LTAP1: variants seen among roughly 807,000 people sequenced by gnomAD.
LTAP1 encodes HCV NS5A-transactivated protein 4.
the LTAP1 span, among the ~76,000 whole-genome samples, chr1:154,209,431 T>G: frequency 1.3e-5 from 2 of 150,454 alleles, no homozygotes; most frequent in South Asian, 2.1e-4. Context: ...CAGTTTTTTT[T>G]TTTTTTTTTT....
At chr1:154,219,987 G>GTTT in the LTAP1 span, 377 of 1,206,056 alleles carry the variant, frequency 3.1e-4, 1 homozygote, top group African/African-American at 1.1e-3. Context: ...GTTTTGTTTT[G>GTTT]TTTTTTTTTT....
the LTAP1 span, chr1:154,214,460 G>T: frequency 1.9e-6 from 3 of 1,606,178 alleles, no homozygotes; most frequent in South Asian, 3.3e-5. Flanking sequence ...CACATACTTT[G>T]ATTTCCCTGG....
chr1:154,215,125 G>A, the LTAP1 span, among the ~76,000 whole-genome samples: 4 of 152,192 alleles, frequency 2.6e-5, no homozygotes, highest in African/African-American at 4.8e-5. Flanking sequence ...GATTACAGGT[G>A]TGAGCTACTG....
the LTAP1 span, among the ~76,000 whole-genome samples, chr1:154,219,540 G>A: frequency 6.6e-6 from 1 of 152,164 alleles, no homozygotes; most frequent in Admixed American, 6.5e-5. Context: ...AAAACACTGG[G>A]TAGTTTAAGA....
chr1:154,207,410 G>T, the LTAP1 span: 8 of 1,599,204 alleles, frequency 5.0e-6, no homozygotes, highest in Non-Finnish European at 6.9e-6. Flanking sequence ...CTTGCACATT[G>T]CAACTGACTG....
At chr1:154,208,857 CTG>C in the LTAP1 span, among the ~76,000 whole-genome samples, 1 of 152,008 alleles carries the variant, frequency 6.6e-6, no homozygotes, top group African/African-American at 2.4e-5. Context: ...TTGAAGCGAC[CTG>C]TCTCGGCCTC....
At chr1:154,218,537 G>A in the LTAP1 span, among the ~76,000 whole-genome samples, 4 of 152,214 alleles carry the variant, frequency 2.6e-5, no homozygotes, top group Non-Finnish European at 5.9e-5. Flanking sequence ...AGAACAAAGA[G>A]GGGAAGGTTA....
At chr1:154,208,613 G>T in the LTAP1 span, 5 of 152,120 alleles carry the variant, frequency 3.3e-5, no homozygotes, top group African/African-American at 1.2e-4. Flanking sequence ...AGGAAACTAA[G>T]GGTCCAATAA....
the LTAP1 span, chr1:154,212,490 C>T: frequency 1.9e-6 from 3 of 1,614,138 alleles, no homozygotes; most frequent in East Asian, 6.7e-5. Context: ...TCATAGCCAT[C>T]CAAAAGGGTA....
At chr1:154,207,807 A>C in the LTAP1 span, among the ~76,000 whole-genome samples, 1 of 152,208 alleles carries the variant, frequency 6.6e-6, no homozygotes, top group African/African-American at 2.4e-5. Flanking sequence ...CTAGTAGCTT[A>C]GAAATACAAG....
At chr1:154,212,306 C>A in the LTAP1 span, 1 of 1,614,040 alleles carries the variant, frequency 6.2e-7, no homozygotes, top group Non-Finnish European at 8.5e-7. Flanking sequence ...TGACACGTTC[C>A]CCTCCAAACT....
the LTAP1 span, chr1:154,212,245 G>A: frequency 2.7e-6 from 4 of 1,468,402 alleles, 1 homozygote; most frequent in South Asian, 2.3e-5. Context: ...TATGCTTTAT[G>A]AAGGTCACTG....
chr1:154,219,044 G>C, the LTAP1 span, among the ~76,000 whole-genome samples: 3 of 152,214 alleles, frequency 2.0e-5, no homozygotes, highest in Non-Finnish European at 4.4e-5. Context: ...GGGTCCCAGT[G>C]ATCTGGGGAG....
chr1:154,206,871 G>GA, the LTAP1 span: 1 of 154,966 alleles, frequency 6.5e-6, no homozygotes, highest in East Asian at 1.9e-4. Context: ...ATTTATTAAT[G>GA]AGAGTGTGGA....
the LTAP1 span, among the ~76,000 whole-genome samples, chr1:154,218,581 G>C: frequency 6.6e-6 from 1 of 152,202 alleles, no homozygotes; most frequent in Non-Finnish European, 1.5e-5. Context: ...AGTGCTCTAG[G>C]AGTTGAGGGA....
the LTAP1 span, among the ~76,000 whole-genome samples, chr1:154,210,425 AAG>A: frequency 2.0e-5 from 3 of 152,198 alleles, no homozygotes; most frequent in African/African-American, 7.2e-5. Context: ...GCTCTTGAAA[AAG>A]AGCAATATTC....
At chr1:154,209,321 T>C in the LTAP1 span, among the ~76,000 whole-genome samples, 7 of 151,982 alleles carry the variant, frequency 4.6e-5, no homozygotes, top group Admixed American at 2.0e-4. Context: ...CTAGTATTTA[T>C]CTTTCAAAGA....
At chr1:154,211,583 C>A in the LTAP1 span, among the ~76,000 whole-genome samples, 1 of 151,474 alleles carries the variant, frequency 6.6e-6, no homozygotes, top group African/African-American at 2.4e-5. Flanking sequence ...GATTCGCCTG[C>A]CTCGGCCTCC....
the LTAP1 span, chr1:154,220,348 C>G: frequency 6.2e-7 from 1 of 1,614,222 alleles, no homozygotes. Context: ...TCACCAGGCT[C>G]CCGTAGGCCA....
Sources: gnomAD v4.1 joint callset for allele counts (sites outside exome capture counted in the v4.1 genomes callset) on GRCh38, gnomAD v4.1.1 for gene constraint, MANE v1.5 for transcripts, NCBI Gene and HGNC (gene_info 2026-07-23, HGNC 2026-07-21) for gene names.